ATP13A5: variants seen among roughly 807,000 people sequenced by gnomAD.
The protein encoded by ATP13A5 is ATPase 13A5, also known as probable cation-transporting ATPase 13A5.
A neutral mutation model predicts 150.2 loss-of-function variants in ATP13A5; 149 were observed. That is an observed-to-expected ratio of 0.99 (90% CI 0.87 to 1.14). ATP13A5 has a LOEUF of 1.14. Among genes scored for constraint, ATP13A5 ranks in the 50% most tolerant of loss-of-function variants. ATP13A5 has a pLI of 0.00. For missense variants in ATP13A5, 1,383 were observed against 1,449.3 expected, an observed-to-expected ratio of 0.95 and a Z score of 0.74; for synonymous variants, 497 against 522.2, an observed-to-expected ratio of 0.95 and a Z score of 0.66.
chr3:193,328,644 G>A (rs1711510714), intron 12 of ATP13A5, among the ~76,000 whole-genome samples: 4 of 152,126 alleles, frequency 2.6e-5, no homozygotes, highest in African/African-American at 9.7e-5. Flanking sequence ...GAGGTTCTAA[G>A]GGGAATAAGA....
chr3:193,324,900 G>T lies in ATP13A5; in HGVS notation c.1638C>A (p.Asp546Glu). Residue 546 changes from aspartate (D) to glutamate (E), a missense_variant, in exon 14 of 30, where the codon GAC (aspartate) becomes GAA (glutamate). By Grantham distance (45) the Asp-to-Glu change is conservative. Around this residue, in one of 3 missense-constraint regions of ATP13A5, gnomAD observed 787 missense variants for 771.9 expected, o/e 1.02. Transcript: ENST00000342358. ...CCTCAAACATTTTGAGGTCCAGAGGGTCTCCCTGGATGGTCCCATTGAGAA... is the reference window on the plus strand; with the variant it reads ...CCTCAAACATTTTGAGGTCCAGAGGTTCTCCCTGGATGGTCCCATTGAGAA... ...LILLNGTIQG[D>E]PLDLKMFEGT... 6.2e-7 allele frequency: 1 copy of T among 1,614,088 alleles called. No individual in the cohort carries two copies. Among genetic ancestry groups the T allele is most frequent in the Non-Finnish European group, 8.5e-7 (1 of 1,179,960 alleles).
intron 27 of ATP13A5, among the ~76,000 whole-genome samples, chr3:193,282,668 C>T (rs984251824): frequency 2.6e-5 from 4 of 152,290 alleles, no homozygotes; most frequent in East Asian, 1.9e-4. Flanking sequence ...TGAGCCACCG[C>T]GTCTGGCCCA....
chr3:193,344,823 A>G (rs113311491), intron 8 of ATP13A5, among the ~76,000 whole-genome samples, 180 bp downstream of exon 8: 20 of 152,178 alleles, frequency 1.3e-4, no homozygotes, highest in African/African-American at 4.6e-4. Flanking sequence ...TGGGGTCAGC[A>G]CTGGCATGAT....
chr3:193,321,830 A>G lies in ATP13A5; in HGVS notation c.1766T>C (p.Val589Ala). 1 of 1,614,078 alleles carries G rather than the reference A, an allele frequency of 6.2e-7. No individual in the cohort carries two copies. Among genetic ancestry groups the G allele is most frequent in the Non-Finnish European group, 8.5e-7 (1 of 1,179,976 alleles). ...CTGGCACAAGGTGATGATGGCTTCC[A>G]CTGGACTCTGCAAGCCCATCAACAA... ...KPGPKASKSPVEAIITLCQFP... is the reference protein window; with the variant it reads ...KPGPKASKSPAEAIITLCQFP... The change falls in exon 16 of 30, where the codon GTG becomes GCG. Residue 589 changes from valine (V) to alanine (A), a missense_variant. Around this residue, in one of 3 missense-constraint regions of ATP13A5, gnomAD observed 787 missense variants for 771.9 expected, o/e 1.02. Transcript: ENST00000342358.
chr3:193,284,809 A>ATTGT (rs1329237602), intron 27 of ATP13A5, 105 bp downstream of exon 27: 3 of 967,206 alleles, frequency 3.1e-6, no homozygotes, highest in Non-Finnish European at 4.5e-6. Context: ...GAGTCATGCA[A>ATTGT]TTGTTTCTTC....
At chr3:193,287,706 A>T (rs900661011) in intron 26 of ATP13A5, among the ~76,000 whole-genome samples, 1 of 152,178 alleles carries the variant, frequency 6.6e-6, no homozygotes, top group Non-Finnish European at 1.5e-5. Context: ...CTGCTAATAC[A>T]CATCTATTCT....
At chr3:193,378,358 G>A (rs1384879435) in intron 1 of ATP13A5, among the ~76,000 whole-genome samples, 1 of 152,144 alleles carries the variant, frequency 6.6e-6, no homozygotes, top group Non-Finnish European at 1.5e-5. Flanking sequence ...TAATAAGGGG[G>A]AGACACCCCA....
At chr3:193,329,711 A>G (rs1183685320) in intron 12 of ATP13A5, among the ~76,000 whole-genome samples, 1 of 152,184 alleles carries the variant, frequency 6.6e-6, no homozygotes. Flanking sequence ...ACATAACCTA[A>G]GAGATATACC....
In ATP13A5 at chr3:193,344,999, T is replaced by G. The variant is rs1712279191; in HGVS notation, c.814+4A>C. The G allele has an allele frequency of 6.2e-7, 1 of 1,612,430 alleles. No individual in the cohort carries two copies. The highest frequency in any genetic ancestry group is 8.5e-7 in the Non-Finnish European group (1 of 1,178,696). On this transcript the variant is annotated splice_donor_region_variant and intron_variant, in intron 8 of 29. Transcript: ENST00000342358. ...TGCTGAAGATGGCCTAACACATCAC[T>G]TACCTTTGTCTTTTACAATGATTGT...
intron 25 of ATP13A5, among the ~76,000 whole-genome samples, chr3:193,293,533 A>C (rs982218599): frequency 6.6e-6 from 1 of 152,050 alleles, no homozygotes; most frequent in Non-Finnish European, 1.5e-5. Context: ...TCTGTTTCTT[A>C]CTAAACCCAG....
intron 5 of ATP13A5, among the ~76,000 whole-genome samples, chr3:193,354,435 CA>C (rs893246348): frequency 1.2e-4 from 18 of 150,828 alleles, no homozygotes; most frequent in African/African-American, 3.9e-4. Context: ...TAGTACAACT[CA>C]AAAAAAAAGT....
intron 27 of ATP13A5, among the ~76,000 whole-genome samples, chr3:193,283,069 T>C (rs1277770996): frequency 6.6e-6 from 1 of 152,140 alleles, no homozygotes; most frequent in African/African-American, 2.4e-5. Context: ...GGAAACTATA[T>C]AGACATACAC....
At chr3:193,305,464 A>G in intron 23 of ATP13A5, 95 bp downstream of exon 23, 1 of 983,142 alleles carries the variant, frequency 1.0e-6, no homozygotes, top group East Asian at 2.4e-5. Context: ...CCTCTGTTGC[A>G]GCATTTATCA....
At chr3:193,366,579 C>T (rs1045957823) in intron 1 of ATP13A5, among the ~76,000 whole-genome samples, 1 of 151,960 alleles carries the variant, frequency 6.6e-6, no homozygotes, top group Middle Eastern at 3.2e-3. Context: ...TTTTGCACAT[C>T]TAAAAAACAT....
intron 25 of ATP13A5, 109 bp downstream of exon 25, chr3:193,299,022 G>A (rs1375287206): frequency 7.3e-6 from 6 of 822,608 alleles, no homozygotes; most frequent in Non-Finnish European, 9.5e-6. Flanking sequence ...AAATAATGAG[G>A]TTTTGGAAAT....
At chr3:193,293,081 T>C (rs537906482) in intron 25 of ATP13A5, among the ~76,000 whole-genome samples, 2 of 152,232 alleles carry the variant, frequency 1.3e-5, no homozygotes, top group African/African-American at 4.8e-5. Flanking sequence ...TAGTTTCCTT[T>C]GCTTAAAGAC....
In ATP13A5 at chr3:193,307,355, A is replaced by G. The variant is rs1202503386; in HGVS notation, c.2540T>C (p.Met847Thr). The G allele has an allele frequency of 6.2e-7, 1 of 1,613,908 alleles. No homozygotes were observed. The highest frequency in any genetic ancestry group is 2.2e-5 in the East Asian group (1 of 44,856). ...ACAGTCGTTAGCTCCATCTCCACAC[A>G]TGCCCACATAATAACTGCGGGAGAC... ...EFQKLNYYVGMCGDGANDCGA... is the reference protein window; with the variant it reads ...EFQKLNYYVGTCGDGANDCGA... The change falls in exon 22 of 30, where the codon ATG becomes ACG. Residue 847 changes from methionine to threonine, a missense_variant. By Grantham distance (81) the Met-to-Thr change is moderately conservative. Transcript: ENST00000342358.
At position 193,334,953 on chromosome 3, in the gene ATP13A5, C is replaced by T. The variant is rs766986505; in HGVS notation, c.1090G>A (p.Val364Ile). The change falls in exon 10 of 30, where the codon GTA becomes ATA. Residue 364 changes from valine to isoleucine, a missense_variant. This residue lies in a region of ATP13A5 where 787 missense variants were observed against 771.9 expected (regional missense o/e 1.02). Transcript: ENST00000342358. Reference sequence around the variant, plus strand: ...CCTGTTTGCAAAACGACTGCTCGTACAGGCCCCTGCCCAGAGGGCTTGACC... The same window carrying T: ...CCTGTTTGCAAAACGACTGCTCGTATAGGCCCCTGCCCAGAGGGCTTGACC... The part of the protein sequence containing the change: ...IQVKPSGQGP[V>I]RAVVLQTGYN... 2 of 1,613,644 alleles carry T rather than the reference C, an allele frequency of 1.2e-6. No homozygotes were observed. The highest frequency in any genetic ancestry group is 1.1e-5 in the South Asian group (1 of 90,988).
chr3:193,349,655 T>C (rs1293657825), intron 7 of ATP13A5, among the ~76,000 whole-genome samples: 1 of 152,138 alleles, frequency 6.6e-6, no homozygotes, highest in South Asian at 2.1e-4. Context: ...GTGTCTAGTC[T>C]CACCAGCAAT....
Sources: allele counts gnomAD v4.1 joint callset (sites outside exome capture counted in the v4.1 genomes callset), GRCh38; gene constraint gnomAD v4.1.1; regional missense constraint gnomAD v4.1.1; transcripts MANE v1.5; gene names NCBI Gene and HGNC (gene_info 2026-07-23, HGNC 2026-07-21).